TAF4B: variants seen among roughly 807,000 people sequenced by gnomAD.
The protein encoded by TAF4B is TATA-box binding protein associated factor 4b, also known as transcription initiation factor TFIID subunit 4B.
TAF4B carries 38 observed loss-of-function variants against 86.4 expected under a neutral mutation model. The ratio of observed to expected loss-of-function variants is 0.44; its 90% confidence interval spans 0.34 to 0.58. The LOEUF (loss-of-function observed/expected upper bound fraction) is 0.58, where lower values mean the gene tolerates loss of function less well. Among genes scored for constraint, TAF4B ranks in the 20% least tolerant of loss-of-function variants. The pLI is 0.02. For missense variants in TAF4B, 988 were observed against 1,027.6 expected, an observed-to-expected ratio of 0.96 and a Z score of 0.53; for synonymous variants, 388 against 391.2, an observed-to-expected ratio of 0.99 and a Z score of 0.10.
chr18:26,257,323 C>A (rs1459335089), intron 1 of TAF4B, among the ~76,000 whole-genome samples: 1 of 152,128 alleles, frequency 6.6e-6, no homozygotes, highest in Non-Finnish European at 1.5e-5. Context: ...ACAAAATGCC[C>A]TTCTTTATCT....
At chr18:26,287,852 T>C (rs1392981326) in intron 7 of TAF4B, among the ~76,000 whole-genome samples, 1 of 152,194 alleles carries the variant, frequency 6.6e-6, no homozygotes, top group Non-Finnish European at 1.5e-5. Context: ...GTGACCAGAA[T>C]TGGAGAGTAG....
At chr18:26,346,122 C>T (rs990454972) in intron 13 of TAF4B, among the ~76,000 whole-genome samples, 8 of 152,064 alleles carry the variant, frequency 5.3e-5, no homozygotes, top group Non-Finnish European at 1.2e-4. Flanking sequence ...GCATGTGCCA[C>T]CATGCCCAGC....
chr18:26,265,129 T>C (rs773897957), intron 1 of TAF4B, 41 bp from the exon 2 acceptor site: 1 of 1,586,446 alleles, frequency 6.3e-7, no homozygotes, highest in South Asian at 1.2e-5. Context: ...ATGCTGTATT[T>C]AGTGGCTCAG....
intron 7 of TAF4B, among the ~76,000 whole-genome samples, chr18:26,291,208 T>C (rs922254042): frequency 6.6e-6 from 1 of 152,120 alleles, no homozygotes; most frequent in African/African-American, 2.4e-5. Flanking sequence ...TGAGTGAAAG[T>C]TCACTATCAA....
At chr18:26,324,552 C>T (rs1226965170) in intron 11 of TAF4B, among the ~76,000 whole-genome samples, 1 of 152,144 alleles carries the variant, frequency 6.6e-6, no homozygotes, top group Non-Finnish European at 1.5e-5. Context: ...AGCTGGAATT[C>T]TTTTGTTGTA....
At chr18:26,300,570 C>G (rs1488452708) in intron 9 of TAF4B, among the ~76,000 whole-genome samples, 2 of 126,480 alleles carry the variant, frequency 1.6e-5, no homozygotes, top group African/African-American at 3.0e-5. Context: ...TATTTGTTTT[C>G]TAATACAGTT....
intron 3 of TAF4B, among the ~76,000 whole-genome samples, chr18:26,273,962 T>C (rs1441437116): frequency 6.6e-6 from 1 of 152,202 alleles, no homozygotes; most frequent in Admixed American, 6.5e-5. Flanking sequence ...TTTTATTATG[T>C]TCTGTAACTT....
In TAF4B at chr18:26,348,786, C is replaced by A. The variant is rs141665654; in HGVS notation, c.2317-8904C>A. 19 of 154,472 alleles carry A rather than the reference C, an allele frequency of 1.2e-4. No individual in the cohort carries two copies. In the East Asian group the frequency reaches 1.3e-3, roughly 11 times the overall value. 9.6% of individuals were successfully genotyped at this position (154,472 alleles called of 1,614,324 possible). A position where few individuals can be genotyped will look rare whatever the true frequency, so the allele number is the denominator to read the frequency against. On this transcript the variant is annotated intron_variant, in intron 13 of 14. Transcript: ENST00000269142. ...TCCATACTGAAGAGAAACCTTACAA[C>A]TGCAATGAATGTGGCAAGATCTTCA...
In TAF4B at chr18:26,335,058, C is replaced by G. The variant is rs1027182465; in HGVS notation, c.2260-117C>G. 7.1e-5 allele frequency: 53 copies of G among 742,768 alleles called. No individual in the cohort carries two copies. The African/African-American group carries it at 8.8e-4, about 12-fold the overall frequency. The allele number at this position is 742,768 out of a possible 1,614,324, so 46.0% of individuals were successfully genotyped here. A position where few individuals can be genotyped will look rare whatever the true frequency, so the allele number is the denominator to read the frequency against. On this transcript the variant is annotated intron_variant, in intron 12 of 14. Transcript: ENST00000269142. ...CAGCTAGACTGGATTGAGGTATTTT[C>G]CCCTGGAGCTAAGATATTCAATCAC...
intron 9 of TAF4B, among the ~76,000 whole-genome samples, chr18:26,303,216 C>T (rs1486464639): frequency 8.3e-6 from 1 of 120,956 alleles, no homozygotes; most frequent in Non-Finnish European, 1.7e-5. Context: ...TTCATACCCC[C>T]TCCACTTTCA....
At chr18:26,238,252 A>G (rs1271968045) in intron 1 of TAF4B, among the ~76,000 whole-genome samples, 8 of 152,196 alleles carry the variant, frequency 5.3e-5, no homozygotes, top group South Asian at 2.1e-4. Flanking sequence ...CTCTTGTCCT[A>G]TAAAGCTGAT....
chr18:26,266,582 C>G (rs894831233), intron 2 of TAF4B, among the ~76,000 whole-genome samples: 1 of 151,994 alleles, frequency 6.6e-6, no homozygotes, highest in African/African-American at 2.4e-5. Flanking sequence ...TTTTGTGGGG[C>G]TGTGCGCGGT....
intron 5 of TAF4B, among the ~76,000 whole-genome samples, chr18:26,276,248 T>C (rs2056383051): frequency 6.6e-6 from 1 of 152,138 alleles, no homozygotes; most frequent in African/African-American, 2.4e-5. Flanking sequence ...AGTGCCAAGA[T>C]GCTGTGTCTT....
chr18:26,293,015 A>T (rs1479516984), intron 8 of TAF4B, among the ~76,000 whole-genome samples: 1 of 152,182 alleles, frequency 6.6e-6, no homozygotes, highest in Non-Finnish European at 1.5e-5. Context: ...CTCTATGTAC[A>T]CACTTGTATG....
chr18:26,358,643 GA>G (rs2057307442), intron 14 of TAF4B, among the ~76,000 whole-genome samples: 1 of 152,200 alleles, frequency 6.6e-6, no homozygotes, highest in Admixed American at 6.5e-5. Context: ...CCGGAAGGCG[GA>G]GGTTACAGTT....
intron 12 of TAF4B, among the ~76,000 whole-genome samples, chr18:26,334,065 C>T (rs889209044): frequency 2.6e-5 from 4 of 151,882 alleles, no homozygotes; most frequent in Non-Finnish European, 5.9e-5. Context: ...TACACAGACT[C>T]ATTCTCTGGT....
chr18:26,319,595 TA>T (rs1213627365), intron 10 of TAF4B, among the ~76,000 whole-genome samples: 3 of 22,928 alleles, frequency 1.3e-4, no homozygotes, highest in East Asian at 0.012. Context: ...GTTTAATTTT[TA>T]TTTTTTTTTT....
chr18:26,314,448 TC>T (rs1255983108), intron 9 of TAF4B, among the ~76,000 whole-genome samples: 1 of 93,972 alleles, frequency 1.1e-5, no homozygotes, highest in Admixed American at 9.4e-5. Flanking sequence ...AGCCCAGACA[TC>T]TTTTGTATTT....
chr18:26,347,671 G>C (rs2057211098), intron 13 of TAF4B, among the ~76,000 whole-genome samples: 1 of 152,254 alleles, frequency 6.6e-6, no homozygotes, highest in South Asian at 2.1e-4. Flanking sequence ...ACTGTATACT[G>C]CCGACAGTAA....
Sources: gnomAD v4.1 joint callset for allele counts (sites outside exome capture counted in the v4.1 genomes callset) on GRCh38, gnomAD v4.1.1 for gene constraint, MANE v1.5 for transcripts, NCBI Gene and HGNC (gene_info 2026-07-23, HGNC 2026-07-21) for gene names.